The following ATXN7L1 variants were observed in gnomAD, a reference collection of about 807,000 sequenced individuals.
The protein encoded by ATXN7L1 is ataxin 7 like 1.
In ATXN7L1, 15 loss-of-function variants were observed where a neutral mutation model predicts 70.8. That is an observed-to-expected ratio of 0.21 (90% CI 0.14 to 0.33). ATXN7L1 has a LOEUF of 0.33. Ranked by LOEUF, ATXN7L1 falls within the 10% of genes least tolerant of loss-of-function variation. The pLI is 1.00. For missense variants in ATXN7L1, 975 were observed against 1,097.1 expected, an observed-to-expected ratio of 0.89 and a Z score of 1.57; for synonymous variants, 440 against 445.1, an observed-to-expected ratio of 0.99 and a Z score of 0.14.
intron 3 of ATXN7L1, among the ~76,000 whole-genome samples, chr7:105,700,838 C>T (rs967636732): frequency 6.6e-5 from 10 of 152,184 alleles, no homozygotes; most frequent in Admixed American, 3.3e-4. Flanking sequence ...CACACTACCG[C>T]GCCTGCCTAA....
At chr7:105,797,516 T>C (rs1223618263) in intron 2 of ATXN7L1, among the ~76,000 whole-genome samples, 1 of 152,202 alleles carries the variant, frequency 6.6e-6, no homozygotes, top group Non-Finnish European at 1.5e-5. Flanking sequence ...CAAAAACTAT[T>C]AGAGATGGGC....
At chr7:105,756,060 T>C (rs528941062) in intron 3 of ATXN7L1, among the ~76,000 whole-genome samples, 1 of 152,330 alleles carries the variant, frequency 6.6e-6, no homozygotes, top group South Asian at 2.1e-4. Context: ...GAGGCTGCAT[T>C]TCAGTCCTCC....
At chr7:105,716,283 GTAGT>G (rs1365827115) in intron 3 of ATXN7L1, among the ~76,000 whole-genome samples, 1 of 152,108 alleles carries the variant, frequency 6.6e-6, no homozygotes, top group Non-Finnish European at 1.5e-5. Context: ...GGAGATGTCA[GTAGT>G]TACTCTTCAT....
chr7:105,634,919 G>C (rs1193851824), intron 7 of ATXN7L1, among the ~76,000 whole-genome samples: 3 of 140,602 alleles, frequency 2.1e-5, no homozygotes, highest in African/African-American at 7.8e-5. Flanking sequence ...GTCTCTACAG[G>C]AAAAAAAAAA....
chr7:105,640,746 C>T (rs1412219890), intron 5 of ATXN7L1, among the ~76,000 whole-genome samples: 1 of 152,196 alleles, frequency 6.6e-6, no homozygotes, highest in Non-Finnish European at 1.5e-5. Flanking sequence ...GGTAGGTGAT[C>T]TCTTAAGGAT....
chr7:105,624,316 C>A, intron 7 of ATXN7L1, 49 bp from the exon 8 acceptor site: 1 of 1,315,474 alleles, frequency 7.6e-7, no homozygotes, highest in South Asian at 2.2e-5. Flanking sequence ...TGAACCTTTT[C>A]TGAGGTAACA....
chr7:105,805,212 AG>A lies in ATXN7L1; in HGVS notation c.251-16505del, dbSNP rs550582944. On this transcript the variant is annotated intron_variant, in intron 2 of 11. Coordinates refer to ENST00000419735, the MANE Select transcript of ATXN7L1 (RefSeq NM_020725.2). Reference sequence around the variant, plus strand: ...AGGCAGAAAGGGCAAAGTGTGCTAGAGGAGGGAGCCATGAGCTCTGGCTAAG... The same window carrying A: ...AGGCAGAAAGGGCAAAGTGTGCTAGAGAGGGAGCCATGAGCTCTGGCTAAG... 1.2e-3 allele frequency among the ~76,000 whole-genome samples: 178 copies of A among 152,352 alleles called. 1 individual carries two copies. Among genetic ancestry groups the A allele is most frequent in the African/African-American group, 4.1e-3 (171 of 41,580 alleles).
intron 3 of ATXN7L1, among the ~76,000 whole-genome samples, chr7:105,680,744 T>G (rs774778278): frequency 2.1e-4 from 32 of 152,178 alleles, no homozygotes; most frequent in Non-Finnish European, 3.4e-4. Context: ...GTTGCAATGC[T>G]TAGAAGAAAC....
At chr7:105,707,890 G>T (rs1793380774) in intron 3 of ATXN7L1, among the ~76,000 whole-genome samples, 1 of 152,198 alleles carries the variant, frequency 6.6e-6, no homozygotes, top group Non-Finnish European at 1.5e-5. Context: ...GGGCAAAGTT[G>T]CAGTGAAGCT....
At chr7:105,691,399 C>G (rs1299238481) in intron 3 of ATXN7L1, among the ~76,000 whole-genome samples, 2 of 152,122 alleles carry the variant, frequency 1.3e-5, no homozygotes, top group Non-Finnish European at 2.9e-5. Flanking sequence ...ACATACACCG[C>G]CGTTTCTCTA....
At chr7:105,637,878 C>T (rs752217382) in intron 7 of ATXN7L1, among the ~76,000 whole-genome samples, 2 of 152,112 alleles carry the variant, frequency 1.3e-5, no homozygotes, top group Non-Finnish European at 2.9e-5. Context: ...ATCGTGGCAA[C>T]TGGACTAGCA....
intron 2 of ATXN7L1, among the ~76,000 whole-genome samples, chr7:105,826,532 A>T (rs542480233): frequency 2.0e-4 from 31 of 152,322 alleles, no homozygotes; most frequent in Middle Eastern, 3.4e-3. Flanking sequence ...ACATATACCT[A>T]AAAAATGGAG....
At chr7:105,799,554 A>C (rs938084200) in intron 2 of ATXN7L1, among the ~76,000 whole-genome samples, 3 of 151,902 alleles carry the variant, frequency 2.0e-5, no homozygotes, top group Non-Finnish European at 4.4e-5. Context: ...GGAAAGCAGA[A>C]GTTGGTTCTG....
chr7:105,720,193 G>C (rs1440903937), intron 3 of ATXN7L1, among the ~76,000 whole-genome samples: 2 of 152,188 alleles, frequency 1.3e-5, no homozygotes, highest in African/African-American at 4.8e-5. Flanking sequence ...CCCTAGTGCA[G>C]GTGGTTAATT....
chr7:105,622,530 C>T (rs1052002134), intron 8 of ATXN7L1, among the ~76,000 whole-genome samples: 1 of 152,232 alleles, frequency 6.6e-6, no homozygotes, highest in Non-Finnish European at 1.5e-5. Context: ...CCAACTACCA[C>T]CCACTCCCAC....
intron 3 of ATXN7L1, among the ~76,000 whole-genome samples, chr7:105,750,855 C>T (rs990664142): frequency 3.9e-5 from 6 of 152,114 alleles, no homozygotes; most frequent in East Asian, 1.9e-4. Flanking sequence ...CTTTGGCAAG[C>T]GGCTTTTCCT....
At chr7:105,850,696 A>C (rs1397407980) in intron 2 of ATXN7L1, among the ~76,000 whole-genome samples, 1 of 152,178 alleles carries the variant, frequency 6.6e-6, no homozygotes, top group Non-Finnish European at 1.5e-5. Flanking sequence ...TCTGCACAGA[A>C]GGGGTACCCA....
chr7:105,822,419 T>C (rs1025707353), intron 2 of ATXN7L1, among the ~76,000 whole-genome samples: 1 of 152,228 alleles, frequency 6.6e-6, no homozygotes, highest in Admixed American at 6.5e-5. Context: ...TCTCTCTTTT[T>C]AAGTAAGGAT....
Position 105,606,588 on chromosome 7 carries a change from T to C in ATXN7L1, c.*1264A>G, listed in dbSNP as rs1792774055. On this transcript the variant is annotated 3_prime_UTR_variant, in exon 12 of 12. Coordinates refer to ENST00000419735, the MANE Select transcript of ATXN7L1 (RefSeq NM_020725.2). ...CCTACTAGAGCTTATGGTATTGCTG[T>C]TTCTTTTAAAACTCCAGTGTGAATA... The C allele has an allele frequency of 6.6e-6, 1 of 152,264 alleles. No homozygotes were observed. The highest frequency in any genetic ancestry group is 2.4e-5 in the African/African-American group (1 of 41,470). 9.4% of individuals were successfully genotyped at this position (152,264 alleles called of 1,614,324 possible). A position where few individuals can be genotyped will look rare whatever the true frequency, so the allele number is the denominator to read the frequency against.
Sources: gnomAD v4.1 joint callset for allele counts (sites outside exome capture counted in the v4.1 genomes callset) on GRCh38, gnomAD v4.1.1 for gene constraint, MANE v1.5 for transcripts, NCBI Gene and HGNC (gene_info 2026-07-23, HGNC 2026-07-21) for gene names.